TRPV1: variants seen among roughly 807,000 people sequenced by gnomAD.
TRPV1 encodes the protein OTRPC1.
In TRPV1, 82 loss-of-function variants were observed where a neutral mutation model predicts 82.3. The observed-to-expected ratio is 1.00, with a 90% CI of 0.83 to 1.20. TRPV1 has a LOEUF of 1.20. TRPV1 is among the 50% of genes most tolerant of loss of function. The pLI is 0.00. For missense variants in TRPV1, 1,067 were observed against 1,096.8 expected, an observed-to-expected ratio of 0.97 and a Z score of 0.38; for synonymous variants, 515 against 467.7, an observed-to-expected ratio of 1.10 and a Z score of -1.30.
chr17:3,588,774 A>AC (rs1218714642), intron 7 of TRPV1, among the ~76,000 whole-genome samples: 3 of 150,428 alleles, frequency 2.0e-5, no homozygotes, highest in African/African-American at 4.9e-5. Context: ...AGATTGTGCC[A>AC]CTGCTCTCCA....
rs199993098 is a variant in TRPV1 at position 3,592,269 on chromosome 17, C to A, written c.82G>T (p.Asp28Tyr). ...GCTGGAGGTGGCCTGGAGTTAGGGT[C>A]TCCATCCAGGGGGTCTGGGCAGGTG... ...KDTCPDPLDG[D>Y]PNSRPPPAKP... The change falls in exon 3 of 17, where the codon GAC becomes TAC. Residue 28 changes from aspartate to tyrosine, a missense_variant. Physicochemically the swap from Asp to Tyr is radical, Grantham distance 160. Transcript: ENST00000572705. 5 of 1,607,472 alleles carry A rather than the reference C, an allele frequency of 3.1e-6. No individual in the cohort carries two copies. Among genetic ancestry groups the A allele is most frequent in the Non-Finnish European group, 4.2e-6 (5 of 1,177,004 alleles).
At chr17:3,603,086 C>CT (rs1222056420) in intron 2 of TRPV1, among the ~76,000 whole-genome samples, 1 of 151,922 alleles carries the variant, frequency 6.6e-6, no homozygotes, top group Non-Finnish European at 1.5e-5. Context: ...CGCCATTGCA[C>CT]TCCAGCCTGG....
At chr17:3,590,773 C>T (rs1318572796) in intron 5 of TRPV1, among the ~76,000 whole-genome samples, 191 bp downstream of exon 5, 1 of 151,930 alleles carries the variant, frequency 6.6e-6, no homozygotes. Flanking sequence ...GAGGCAGAGA[C>T]CCCCAGGACC....
chr17:3,588,988 G>A, intron 7 of TRPV1: 2 of 1,532,084 alleles, frequency 1.3e-6, no homozygotes, highest in Non-Finnish European at 1.7e-6. Flanking sequence ...GAAAGAAAGA[G>A]AATGCAAGAA....
chr17:3,586,058 G>A (rs1193381888), intron 8 of TRPV1, 132 bp from the exon 9 acceptor site: 19 of 1,168,154 alleles, frequency 1.6e-5, no homozygotes, highest in South Asian at 2.9e-5. Flanking sequence ...TGAGATGGGA[G>A]GTCTGAGCCA....
At chr17:3,601,380 G>A (rs161378) in intron 2 of TRPV1, among the ~76,000 whole-genome samples, 48,969 of 148,086 alleles carry the variant, frequency 0.33, 8,585 homozygotes, top group East Asian at 0.54. Flanking sequence ...CCCCACCCCC[G>A]CACCCTGAGC....
chr17:3,584,221 G>A lies in TRPV1; in HGVS notation c.1384-791C>T, dbSNP rs181303807. Among the ~76,000 whole-genome samples, 445 of 151,698 alleles carry A rather than the reference G, an allele frequency of 2.9e-3. 2 individuals are homozygous for A. The highest frequency in any genetic ancestry group is 1.0e-2 in the African/African-American group (412 of 41,310). ...AGAGGTTGCGGTGAGCCAAGGTGGC[G>A]CCACTGCACTCCAGCCTGGGCAACA... is the stretch of plus-strand genomic sequence containing the variant. On this transcript the variant is annotated intron_variant, in intron 9 of 16. Transcript: ENST00000572705.
intron 2 of TRPV1, among the ~76,000 whole-genome samples, chr17:3,594,806 G>A (rs1323301243): frequency 6.6e-6 from 1 of 152,220 alleles, no homozygotes; most frequent in Non-Finnish European, 1.5e-5. Context: ...GCAGGAGGGG[G>A]CAGGGTGCTG....
At chr17:3,591,959 C>T in intron 3 of TRPV1, 108 bp downstream of exon 3, 1 of 1,452,914 alleles carries the variant, frequency 6.9e-7, no homozygotes, top group Non-Finnish European at 9.1e-7. Flanking sequence ...CTAAGGCTCT[C>T]CAGCCCCCTG....
In TRPV1 at chr17:3,573,853, T is replaced by C. The variant is rs1338779855; in HGVS notation, c.1883A>G (p.Tyr628Cys). The C allele has an allele frequency of 1.2e-6, 2 of 1,613,314 alleles. No homozygotes were observed. Among genetic ancestry groups the C allele is most frequent in the Admixed American group, 1.7e-5 (1 of 59,972 alleles). Reference protein sequence around the residue: ...GPACRPPDSSYNSLYSTCLEL... With the variant: ...GPACRPPDSSCNSLYSTCLEL... ...CAGGCAGGTGGAGTACAGGCTGTTGTAGGAGCTATCGGGGGGCCTGCAGGC... is the reference window on the plus strand; with the variant it reads ...CAGGCAGGTGGAGTACAGGCTGTTGCAGGAGCTATCGGGGGGCCTGCAGGC... Residue 628 changes from tyrosine to cysteine, a missense_variant, in exon 14 of 17, where the codon TAC (tyrosine) becomes TGC (cysteine). Tyr to Cys is a radical substitution (Grantham distance 194, BLOSUM62 -2). Transcript: ENST00000572705.
chr17:3,572,226 C>T lies in TRPV1; in HGVS notation c.2127G>A (p.Thr709=), dbSNP rs200130650. The part of the protein sequence containing the change: ...KLQRAITILD[T]EKSFLKCMRK... ...TCATGCACTTAAGGAAGCTCTTCTC[C>T]GTGTCCAGGATGGTGATGGCTCTCT... Residue 709 remains threonine, a synonymous_variant, in exon 15 of 17, where the codon ACG becomes ACA. Coordinates refer to ENST00000572705, the MANE Select transcript of TRPV1 (RefSeq NM_080704.4). 35 of 1,609,978 alleles carry T rather than the reference C, an allele frequency of 2.2e-5. No homozygotes were observed. The highest frequency in any genetic ancestry group is 6.7e-5 in the African/African-American group (5 of 74,856).
At chr17:3,593,133 TGTG>T (rs2075183307) in intron 2 of TRPV1, among the ~76,000 whole-genome samples, 1 of 35,740 alleles carries the variant, frequency 2.8e-5, no homozygotes, top group Non-Finnish European at 5.0e-5. Flanking sequence ...TGTGTGTGTG[TGTG>T]TCTGTGTGTC....
intron 8 of TRPV1, among the ~76,000 whole-genome samples, chr17:3,587,808 C>T (rs958712327): frequency 7.1e-6 from 1 of 141,294 alleles, no homozygotes; most frequent in East Asian, 2.1e-4. Flanking sequence ...AGCAAAACTT[C>T]GTCTCAAAAA....
intron 10 of TRPV1, among the ~76,000 whole-genome samples, 171 bp downstream of exon 10, chr17:3,583,167 G>A (rs1027224670): frequency 1.3e-5 from 2 of 152,050 alleles, no homozygotes; most frequent in African/African-American, 2.4e-5. Flanking sequence ...GCACCCTCCC[G>A]CCCCGCGGTG....
At chr17:3,600,808 T>G (rs760811877) in intron 2 of TRPV1, among the ~76,000 whole-genome samples, 2 of 152,024 alleles carry the variant, frequency 1.3e-5, no homozygotes, top group Non-Finnish European at 2.9e-5. Context: ...TGCTCTCCTC[T>G]TCTTGCCGTT....
intron 10 of TRPV1, 89 bp from the exon 11 acceptor site, chr17:3,580,616 A>T: frequency 1.5e-6 from 2 of 1,376,742 alleles, no homozygotes; most frequent in Non-Finnish European, 2.1e-6. Context: ...TGGCACCATG[A>T]TGGGGTGGTC....
chr17:3,576,083 G>A (rs932151627), intron 13 of TRPV1, among the ~76,000 whole-genome samples: 92 of 151,820 alleles, frequency 6.1e-4, no homozygotes, highest in African/African-American at 2.0e-3. Flanking sequence ...ATAGCCAGGT[G>A]TGGTGGCGGG....
chr17:3,600,976 A>G (rs1342412626), intron 2 of TRPV1, among the ~76,000 whole-genome samples: 2 of 151,932 alleles, frequency 1.3e-5, no homozygotes, highest in African/African-American at 4.8e-5. Context: ...CTCTTCCCTG[A>G]GCTCCATCCC....
At chr17:3,593,100 G>C (rs947205349) in intron 2 of TRPV1, among the ~76,000 whole-genome samples, 3 of 91,294 alleles carry the variant, frequency 3.3e-5, no homozygotes, top group African/African-American at 3.1e-4. Context: ...GTGTGTGTGT[G>C]TGTGTGTGTG....
Sources: allele counts gnomAD v4.1 joint callset (sites outside exome capture counted in the v4.1 genomes callset), GRCh38; gene constraint gnomAD v4.1.1; transcripts MANE v1.5; gene names NCBI Gene and HGNC (gene_info 2026-07-23, HGNC 2026-07-21).